UXS1: variants seen among roughly 807,000 people sequenced by gnomAD.
UXS1 encodes UDP-glucuronic acid decarboxylase 1.
In UXS1, 33 loss-of-function variants were observed where a neutral mutation model predicts 62.6. The observed-to-expected ratio is 0.53, with a 90% confidence interval of 0.40 to 0.70. The LOEUF (loss-of-function observed/expected upper bound fraction) is 0.70, where lower values mean the gene tolerates loss of function less well. Among genes scored for constraint, UXS1 ranks in the 30% least tolerant of loss-of-function variants. UXS1 has a pLI of 0.00. For synonymous variants in UXS1, 213 were observed against 206.8 expected (o/e 1.03, Z -0.26); for missense variants, 434 against 556.3 (o/e 0.78, Z 2.21).
intron 1 of UXS1, among the ~76,000 whole-genome samples, chr2:106,169,068 T>G (rs141022908): frequency 6.6e-6 from 1 of 152,318 alleles, no homozygotes; most frequent in Non-Finnish European, 1.5e-5. Flanking sequence ...TGTTCTTGCC[T>G]TTTTCTAGAC....
At chr2:106,158,666 C>A (rs562794668) in intron 4 of UXS1, among the ~76,000 whole-genome samples, 10 of 152,140 alleles carry the variant, frequency 6.6e-5, no homozygotes, top group Non-Finnish European at 1.3e-4. Context: ...CATTCCTAAG[C>A]CGAGGTTAGA....
intron 1 of UXS1, among the ~76,000 whole-genome samples, chr2:106,190,511 T>G (rs1684851615): frequency 6.6e-6 from 1 of 152,078 alleles, no homozygotes; most frequent in Non-Finnish European, 1.5e-5. Flanking sequence ...TTTGGGAGGC[T>G]GAGGTAGGCA....
chr2:106,100,527 A>G (rs976069946), intron 12 of UXS1, among the ~76,000 whole-genome samples: 1 of 152,186 alleles, frequency 6.6e-6, no homozygotes, highest in Non-Finnish European at 1.5e-5. Flanking sequence ...AATTTCTCTG[A>G]GCAGAAGCAA....
intron 4 of UXS1, among the ~76,000 whole-genome samples, chr2:106,162,626 C>G (rs763514591): frequency 3.3e-4 from 50 of 152,154 alleles, no homozygotes; most frequent in Non-Finnish European, 6.3e-4. Context: ...GGAAATATTA[C>G]AAGCTGCATA....
chr2:106,123,259 A>G (rs1287487433), intron 8 of UXS1, among the ~76,000 whole-genome samples, 168 bp from the exon 9 acceptor site: 1 of 151,924 alleles, frequency 6.6e-6, no homozygotes, highest in Non-Finnish European at 1.5e-5. Context: ...GAGTTCCAGT[A>G]GGATATGATA....
At chr2:106,152,470 AAAGGAAGGAAGGAAGGGAGGGAGAGAGG>A (rs1429722071) in intron 5 of UXS1, among the ~76,000 whole-genome samples, 226 of 104,730 alleles carry the variant, frequency 2.2e-3, no homozygotes, top group African/African-American at 8.1e-3. Flanking sequence ...GAAAGAAAAG[AAAGGAAGGAAGGAAGGGAGGGAGAGAGG>A]GAGGGAGGGA....
At chr2:106,156,554 T>C (rs950581849) in intron 5 of UXS1, among the ~76,000 whole-genome samples, 2 of 152,174 alleles carry the variant, frequency 1.3e-5, no homozygotes, top group Non-Finnish European at 2.9e-5. Flanking sequence ...CACAAGGAAT[T>C]GGTTCCAGGA....
At chr2:106,118,491 C>G (rs1345732187) in intron 9 of UXS1, among the ~76,000 whole-genome samples, 2 of 152,142 alleles carry the variant, frequency 1.3e-5, no homozygotes, top group African/African-American at 4.8e-5. Flanking sequence ...CTGACCGCAG[C>G]CTACGGGAGA....
rs182423832 is a variant in UXS1, at chr2:106,142,219, C to A, written c.472+2971G>T. ...AAGATTAAAAATAATTTTCTATTTG[C>A]TTTGTAAAATACCTTTCTATATTTT... On this transcript the variant is annotated intron_variant, in intron 6 of 14. Transcript: ENST00000283148. Among the ~76,000 whole-genome samples, 101 of 152,254 alleles carry A rather than the reference C, an allele frequency of 6.6e-4. 1 individual carries two copies. The highest frequency in any genetic ancestry group is 3.4e-3 in the Middle Eastern group (1 of 294).
chr2:106,165,894 C>A (rs1683182068), intron 2 of UXS1, among the ~76,000 whole-genome samples, 162 bp downstream of exon 2: 1 of 152,132 alleles, frequency 6.6e-6, no homozygotes. Context: ...CTTGAGAATA[C>A]CCATAGGAGA....
intron 12 of UXS1, chr2:106,100,788 C>A: frequency 2.3e-6 from 1 of 432,346 alleles, no homozygotes; most frequent in Middle Eastern, 6.0e-4. Flanking sequence ...CACCTACTAC[C>A]ACCAAAAGGC....
At chr2:106,165,933 A>C in intron 2 of UXS1, 123 bp downstream of exon 2, 1 of 903,070 alleles carries the variant, frequency 1.1e-6, no homozygotes, top group Non-Finnish European at 1.6e-6. Flanking sequence ...TGTGAATAGC[A>C]AGAACCCACT....
rs1416127372 is a variant in UXS1, at chr2:106,118,530, C to A, written c.759+4440G>T. Among the ~76,000 whole-genome samples the A allele has an allele frequency of 5.3e-5, 8 of 152,130 alleles. No homozygotes were observed. The East Asian group carries it at 1.2e-3, about 22-fold the overall frequency. ...CCCCACATTTATCAAGCCACTGAGT[C>A]CAAATGCACACAGAGGCGGCAATTT... is the stretch of plus-strand genomic sequence containing the variant. On this transcript the variant is annotated intron_variant, in intron 9 of 14. Transcript: ENST00000283148.
chr2:106,181,682 C>T (rs537066542), intron 1 of UXS1, among the ~76,000 whole-genome samples: 12 of 152,250 alleles, frequency 7.9e-5, no homozygotes, highest in South Asian at 4.1e-4. Context: ...CGCCACTGCA[C>T]TCCAGCTTGG....
intron 4 of UXS1, among the ~76,000 whole-genome samples, chr2:106,158,700 C>T (rs910021338): frequency 3.3e-5 from 5 of 152,136 alleles, no homozygotes; most frequent in Non-Finnish European, 5.9e-5. Context: ...CTGAACTTTG[C>T]TAAAGAATAA....
At chr2:106,150,104 T>C (rs1223332125) in intron 5 of UXS1, among the ~76,000 whole-genome samples, 2 of 152,208 alleles carry the variant, frequency 1.3e-5, no homozygotes, top group Non-Finnish European at 2.9e-5. Context: ...AGCCATGAGC[T>C]AGGACATCTG....
chr2:106,130,518 C>G (rs1680360310), intron 6 of UXS1, among the ~76,000 whole-genome samples: 1 of 152,200 alleles, frequency 6.6e-6, no homozygotes, highest in Non-Finnish European at 1.5e-5. Flanking sequence ...CTACTTTTAG[C>G]CAATGGTGAG....
Position 106,104,664 on chromosome 2 carries a change from T to A in UXS1, c.923+130A>T. The A allele has an allele frequency of 3.5e-6, 4 of 1,142,912 alleles. No individual in the cohort carries two copies. The South Asian group carries it at 4.9e-5, about 14-fold the overall frequency. 70.8% of individuals were successfully genotyped at this position (1,142,912 alleles called of 1,614,324 possible). ...GTTTTCCCATCATAAAATTAAAAATTTTTAATCAATATATAGTGTTAGCGT... is the reference window on the plus strand; with the variant it reads ...GTTTTCCCATCATAAAATTAAAAATATTTAATCAATATATAGTGTTAGCGT... On this transcript the variant is annotated intron_variant, in intron 11 of 14. Transcript: ENST00000283148.
intron 9 of UXS1, among the ~76,000 whole-genome samples, chr2:106,116,354 C>T (rs1679054339): frequency 6.6e-6 from 1 of 152,178 alleles, no homozygotes; most frequent in African/African-American, 2.4e-5. Flanking sequence ...AGGGCATAAC[C>T]CTTTACTGTC....
Sources: gnomAD v4.1 joint callset for allele counts (sites outside exome capture counted in the v4.1 genomes callset) on GRCh38, gnomAD v4.1.1 for gene constraint, MANE v1.5 for transcripts, NCBI Gene and HGNC (gene_info 2026-07-23, HGNC 2026-07-21) for gene names.